KCNT1: variants seen among roughly 807,000 people sequenced by gnomAD.
The protein encoded by KCNT1 is potassium sodium-activated channel subfamily T member 1.
Under a neutral mutation model 147.8 loss-of-function variants are expected in KCNT1, and 78 were observed. The observed-to-expected ratio is 0.53, with a 90% CI of 0.44 to 0.64. The LOEUF is 0.64. Among genes scored for constraint, KCNT1 ranks in the 30% least tolerant of loss-of-function variants. KCNT1 has a pLI of 0.00. For missense variants in KCNT1, 1,419 were observed against 1,750.3 expected (o/e 0.81, Z 3.38); for synonymous variants, 867 against 748.8 (o/e 1.16, Z -2.58).
chr9:135,744,697 C>T (rs942809287), intron 2 of KCNT1, among the ~76,000 whole-genome samples: 4 of 152,238 alleles, frequency 2.6e-5, no homozygotes, highest in Admixed American at 6.5e-5. Flanking sequence ...CATGGGCCAG[C>T]GCCGCTGACG....
At chr9:135,781,370 C>A (rs549000381) in intron 24 of KCNT1, among the ~76,000 whole-genome samples, 80 of 152,266 alleles carry the variant, frequency 5.3e-4, no homozygotes, top group African/African-American at 1.9e-3. Flanking sequence ...CCGTGGACCA[C>A]CTGACCCATC....
intron 11 of KCNT1, among the ~76,000 whole-genome samples, chr9:135,764,820 C>T (rs907043457): frequency 1.3e-5 from 2 of 152,176 alleles, no homozygotes; most frequent in African/African-American, 4.8e-5. Context: ...CACATCCTGC[C>T]AGCCGGGCCT....
At chr9:135,743,455 T>C (rs1017145168) in intron 2 of KCNT1, among the ~76,000 whole-genome samples, 14 of 152,024 alleles carry the variant, frequency 9.2e-5, no homozygotes, top group African/African-American at 3.1e-4. Flanking sequence ...CTCACGGCTG[T>C]TGAGCATCCA....
intron 2 of KCNT1, among the ~76,000 whole-genome samples, chr9:135,735,639 G>T (rs1163785612): frequency 2.0e-5 from 3 of 152,224 alleles, no homozygotes; most frequent in South Asian, 4.1e-4. Flanking sequence ...CTGTCAGGGG[G>T]TCCTAGGCCC....
chr9:135,741,624 C>T (rs1260439864), intron 2 of KCNT1, among the ~76,000 whole-genome samples: 1 of 152,108 alleles, frequency 6.6e-6, no homozygotes, highest in African/African-American at 2.4e-5. Flanking sequence ...AGGGGTGTGT[C>T]CAGCTTCTGC....
Position 135,752,240 on chromosome 9 carries a change from G to C in KCNT1, c.434+1199G>C, listed in dbSNP as rs1162236334. 2.5e-6 allele frequency: 1 copy of C among 397,266 alleles called. No individual in the cohort carries two copies. Among genetic ancestry groups the C allele is most frequent in the African/African-American group, 2.1e-5 (1 of 47,726 alleles). 24.6% of individuals were successfully genotyped at this position (397,266 alleles called of 1,614,324 possible). Reference sequence around the variant, plus strand: ...AGAAGGCCTGACTGCCGGGAGCCTGGCTTCTGGGGACCTAAAGGCGTCCAT... The same window carrying C: ...AGAAGGCCTGACTGCCGGGAGCCTGCCTTCTGGGGACCTAAAGGCGTCCAT... On this transcript the variant is annotated intron_variant, in intron 4 of 30. Transcript: ENST00000371757. This position sits in a 1 kb window ranked among gnomAD's most constrained non-coding sequence, Gnocchi z 5.1.
intron 29 of KCNT1, chr9:135,791,431 C>A: frequency 7.3e-5 from 19 of 259,526 alleles, no homozygotes; most frequent in South Asian, 2.7e-4. Context: ...GTGAGGTGAA[C>A]AGACACGTCC....
intron 2 of KCNT1, among the ~76,000 whole-genome samples, chr9:135,723,206 G>A (rs970588021): frequency 7.2e-5 from 11 of 152,332 alleles, no homozygotes; most frequent in Middle Eastern, 6.8e-3. Context: ...TGCAGAGCTC[G>A]CCTGCAGGGC....
chr9:135,751,079 C>T (rs1029592029), intron 4 of KCNT1, 38 bp downstream of exon 4: 1 of 1,572,866 alleles, frequency 6.4e-7, no homozygotes, highest in African/African-American at 1.3e-5. Flanking sequence ...GGTCCCGGGT[C>T]CCAGGGCTGA....
At position 135,786,251 on chromosome 9, in the gene KCNT1, C is replaced by T. The variant is rs1834038347; in HGVS notation, c.3232C>T (p.Pro1078Ser). The T allele has an allele frequency of 6.2e-7, 1 of 1,611,290 alleles. No homozygotes were observed. Among genetic ancestry groups the T allele is most frequent in the Non-Finnish European group, 8.5e-7 (1 of 1,179,448 alleles). ...TGAGGACACACGGGAAGTGAAGGGG[C>T]CCTGGGGCTCCCGCGCTGGCACCGG... is the stretch of plus-strand genomic sequence containing the variant. ...DCEDTREVKG[P>S]WGSRAGTGGS... Residue 1078 changes from proline (P) to serine (S), a missense_variant, in exon 29 of 31, where the codon CCC (proline) becomes TCC (serine). Pro to Ser is a moderately conservative substitution (Grantham distance 74). Transcript: ENST00000371757.
chr9:135,758,839 G>T (rs1831698436), intron 10 of KCNT1, among the ~76,000 whole-genome samples: 2 of 152,258 alleles, frequency 1.3e-5, no homozygotes, highest in African/African-American at 4.8e-5. Context: ...CCAGCTGAAA[G>T]CAGGGTCTGG....
intron 2 of KCNT1, among the ~76,000 whole-genome samples, chr9:135,720,186 C>G (rs1564318442): frequency 6.6e-6 from 1 of 152,086 alleles, no homozygotes; most frequent in South Asian, 2.1e-4. Flanking sequence ...TGCACCCCTT[C>G]CATTCACCCG....
At chr9:135,706,478 C>A (rs1025114740) in intron 1 of KCNT1, among the ~76,000 whole-genome samples, 7 of 152,242 alleles carry the variant, frequency 4.6e-5, no homozygotes, top group African/African-American at 1.4e-4. Flanking sequence ...GCCACCGTCT[C>A]CTCCTTGGCA....
At chr9:135,703,195 C>T (rs1264199381) in intron 1 of KCNT1, 1 of 152,422 alleles carries the variant, frequency 6.6e-6, no homozygotes, top group Non-Finnish European at 1.5e-5. Flanking sequence ...TCCAGGGAAC[C>T]CTGGGCAGAG....
intron 27 of KCNT1, 58 bp from the exon 28 acceptor site, chr9:135,785,252 C>T (rs1038205707): frequency 4.7e-5 from 76 of 1,603,230 alleles, no homozygotes; most frequent in African/African-American, 1.2e-4. Context: ...CAGGCTGAGG[C>T]GGCGTGGGGG....
chr9:135,702,265 C>CT lies in KCNT1; in HGVS notation c.8dup (p.Asp5Ter). The CT allele has an allele frequency of 6.2e-7, 1 of 1,608,252 alleles. No individual in the cohort carries two copies. Among genetic ancestry groups the CT allele is most frequent in the Non-Finnish European group, 8.5e-7 (1 of 1,177,190 alleles). On this transcript the variant is annotated frameshift_variant, in exon 1 of 31. Coordinates refer to ENST00000371757, the MANE Select transcript of KCNT1 (RefSeq NM_020822.3). LOFTEE classifies it high-confidence loss of function. The stretch of plus-strand genomic sequence containing the variant: ...GTCCGAGCTGCCAGGCCGCATGCCA[C>CT]TCCCTGACGGGGCGCGGACCCCGGG...
In KCNT1 at chr9:135,714,730, G is replaced by A. The variant is rs772892562; in HGVS notation, c.254+10G>A. The A allele has an allele frequency of 5.1e-6, 7 of 1,363,192 alleles. No homozygotes were observed. The highest frequency in any genetic ancestry group is 3.5e-5 in the East Asian group (1 of 28,534). 84.4% of individuals were successfully genotyped at this position (1,363,192 alleles called of 1,614,324 possible). ...TCCAGAACGACGACAGGTAGGGACC[G>A]GGCGCGGGGTGGGGGCTGGGGTCGC... is the stretch of plus-strand genomic sequence containing the variant. On this transcript the variant is annotated intron_variant, in intron 2 of 30. Transcript: ENST00000371757. This position sits in a 1 kb window ranked among gnomAD's most constrained non-coding sequence, Gnocchi z 6.2.
At position 135,773,303 on chromosome 9, in the gene KCNT1, C is replaced by T. The variant is rs925561638; in HGVS notation, c.2243+354C>T. Among the ~76,000 whole-genome samples, 4 of 152,304 alleles carry T rather than the reference C, an allele frequency of 2.6e-5. No homozygotes were observed. The East Asian group carries it at 7.8e-4, about 30-fold the overall frequency. ...CCACCCTCAGAGAGGGGCCCGTTCC[C>T]ACCCACCTCACCAGCCCCATAGTGG... On this transcript the variant is annotated intron_variant, in intron 19 of 30. Transcript: ENST00000371757.
chr9:135,768,411 T>G (rs1588353060), intron 13 of KCNT1, 199 bp from the exon 14 acceptor site: 3 of 437,204 alleles, frequency 6.9e-6, no homozygotes, highest in Admixed American at 4.2e-5. Flanking sequence ...CAGCAGAGAG[T>G]AGGGGCCTCC....
Sources: allele counts gnomAD v4.1 joint callset (sites outside exome capture counted in the v4.1 genomes callset), GRCh38; gene constraint gnomAD v4.1.1; non-coding constraint Gnocchi (gnomAD v3.1); transcripts MANE v1.5; gene names NCBI Gene and HGNC (gene_info 2026-07-23, HGNC 2026-07-21).